COL27A1: variants seen among roughly 807,000 people sequenced by gnomAD.
COL27A1 encodes the protein collagen type XXVII alpha 1 chain, also known as collagen alpha-1(XXVII) chain.
In COL27A1, 106 loss-of-function variants were observed where a neutral mutation model predicts 251.3. The observed-to-expected ratio is 0.42, with a 90% CI of 0.36 to 0.50. COL27A1 has a LOEUF of 0.50. Ranked by LOEUF, COL27A1 falls within the 20% of genes least tolerant of loss-of-function variation. The pLI, the probability that COL27A1 is intolerant of heterozygous loss-of-function variation, is 0.00. For synonymous variants in COL27A1, 1,000 were observed against 986.3 expected (o/e 1.01, Z -0.26); for missense variants, 2,325 against 2,522.8 (o/e 0.92, Z 1.68).
At position 114,155,750 on chromosome 9, in the gene COL27A1, C is replaced by T. The variant is rs1848078339; in HGVS notation, c.-201C>T. 6.2e-6 allele frequency: 1 copy of T among 162,310 alleles called. No homozygotes were observed. Among genetic ancestry groups the T allele is most frequent in the African/African-American group, 2.4e-5 (1 of 41,424 alleles). 10.1% of individuals were successfully genotyped at this position (162,310 alleles called of 1,614,324 possible). A position where few individuals can be genotyped will look rare whatever the true frequency, so the allele number is the denominator to read the frequency against. On this transcript the variant is annotated 5_prime_UTR_variant, in exon 1 of 61. Transcript: ENST00000356083. The surrounding 1 kb of genome is among the most constrained non-coding windows in gnomAD (Gnocchi z 5.5). The stretch of plus-strand genomic sequence containing the variant: ...GAGCGCGGCGCCCGGACTCCTGGGA[C>T]CATGGGCCTGGCGCGGGCGCCCGCG...
chr9:114,178,017 T>C (rs1827604864), intron 3 of COL27A1, among the ~76,000 whole-genome samples: 1 of 152,178 alleles, frequency 6.6e-6, no homozygotes, highest in Admixed American at 6.5e-5. Context: ...AGAAGGGACT[T>C]TGTCCAACTT....
intron 3 of COL27A1, among the ~76,000 whole-genome samples, chr9:114,174,452 C>G (rs1234473862): frequency 6.6e-6 from 1 of 152,176 alleles, no homozygotes; most frequent in Non-Finnish European, 1.5e-5. Flanking sequence ...AATACAGCTG[C>G]AGCCAAATTA....
intron 34 of COL27A1, among the ~76,000 whole-genome samples, chr9:114,267,933 T>A (rs1241864841): frequency 6.6e-6 from 1 of 152,188 alleles, no homozygotes; most frequent in South Asian, 2.1e-4. Flanking sequence ...AAGAGGACGC[T>A]GTTCCCCCTT....
chr9:114,252,937 G>A lies in COL27A1; in HGVS notation c.3141+5G>A. The A allele has an allele frequency of 6.2e-7, 1 of 1,611,352 alleles. No homozygotes were observed. The highest frequency in any genetic ancestry group is 2.2e-5 in the East Asian group (1 of 44,826). Reference sequence around the variant, plus strand: ...CCTGGAGAGCCTGGACCCCAGGTAAGCAAAGCCCTCGTGATCCCTAAGCTC... The same window carrying A: ...CCTGGAGAGCCTGGACCCCAGGTAAACAAAGCCCTCGTGATCCCTAAGCTC... On this transcript the variant is annotated splice_donor_5th_base_variant and intron_variant, in intron 27 of 60. Transcript: ENST00000356083.
At position 114,260,581 on chromosome 9, in the gene COL27A1, G is replaced by A. The variant is rs115556977; in HGVS notation, c.3195+1987G>A. On this transcript the variant is annotated intron_variant, in intron 28 of 60. Coordinates refer to ENST00000356083, the MANE Select transcript of COL27A1 (RefSeq NM_032888.4). ...CCTGGAGGTCTGAAAGGCCTTGCCTGCTTTCCTGCCTATGTGTAGGACGGG... is the reference window on the plus strand; with the variant it reads ...CCTGGAGGTCTGAAAGGCCTTGCCTACTTTCCTGCCTATGTGTAGGACGGG... Among the ~76,000 whole-genome samples the A allele has an allele frequency of 2.6e-3, 394 of 152,320 alleles. 1 individual carries two copies. Among genetic ancestry groups the A allele is most frequent in the African/African-American group, 9.2e-3 (384 of 41,570 alleles).
chr9:114,309,252 C>A lies in COL27A1; in HGVS notation c.5218-8C>A, dbSNP rs745749882. The A allele has an allele frequency of 6.2e-7, 1 of 1,613,930 alleles. No individual in the cohort carries two copies. The highest frequency in any genetic ancestry group is 8.5e-7 in the Non-Finnish European group (1 of 1,179,816). On this transcript the variant is annotated splice_region_variant and splice_polypyrimidine_tract_variant and intron_variant, in intron 59 of 60. Coordinates refer to ENST00000356083, the MANE Select transcript of COL27A1 (RefSeq NM_032888.4). Reference sequence around the variant, plus strand: ...CCTGAGCCGCTCACTGCCGTTGCTTCTCTATAGGTCGAGTTTGCCATCAGC... The same window carrying A: ...CCTGAGCCGCTCACTGCCGTTGCTTATCTATAGGTCGAGTTTGCCATCAGC...
intron 23 of COL27A1, 22 bp downstream of exon 23, chr9:114,243,582 T>C (rs1189777424): frequency 1.2e-6 from 2 of 1,604,638 alleles, no homozygotes; most frequent in African/African-American, 1.3e-5. Context: ...TGGAGATCCC[T>C]GGGGACAAGA....
intron 49 of COL27A1, among the ~76,000 whole-genome samples, chr9:114,298,128 C>A (rs1236816645): frequency 8.4e-6 from 1 of 118,688 alleles, no homozygotes; most frequent in African/African-American, 3.4e-5. Context: ...TCTCAAGACC[C>A]CATCTTAAAA....
At chr9:114,271,674 C>CT (rs1179404628) in intron 36 of COL27A1, 1 of 152,538 alleles carries the variant, frequency 6.6e-6, no homozygotes, top group Non-Finnish European at 1.5e-5. Context: ...TGGCCTCCGT[C>CT]TTGGGCCCCG....
rs750797545 is a variant in COL27A1, at chr9:114,301,675, C to T, written c.4810-7C>T. 1.2e-6 allele frequency: 2 copies of T among 1,606,632 alleles called. No homozygotes were observed. Among genetic ancestry groups the T allele is most frequent in the South Asian group, 1.1e-5 (1 of 90,264 alleles). The stretch of plus-strand genomic sequence containing the variant: ...CAGGGCTCACTCTTCTTCTCTTGTT[C>T]CCCCAGGGTCCTCCCGGCCCCAGAG... On this transcript the variant is annotated splice_polypyrimidine_tract_variant and splice_region_variant and intron_variant, in intron 54 of 60. Transcript: ENST00000356083.
At chr9:114,178,917 GC>G (rs1221845963) in intron 4 of COL27A1, among the ~76,000 whole-genome samples, 1 of 152,146 alleles carries the variant, frequency 6.6e-6, no homozygotes, top group East Asian at 1.9e-4. Flanking sequence ...GACCTCTCAT[GC>G]CCACCCCAAG....
intron 27 of COL27A1, among the ~76,000 whole-genome samples, chr9:114,254,629 A>C (rs6478074): frequency 0.4 from 60,561 of 151,936 alleles, 12,657 homozygotes; most frequent in East Asian, 0.75. Flanking sequence ...TCCAAAGTCC[A>C]GACTGAGGAG....
chr9:114,302,180 C>T, intron 56 of COL27A1, 72 bp downstream of exon 56: 2 of 1,285,694 alleles, frequency 1.6e-6, no homozygotes, highest in Non-Finnish European at 2.3e-6. Context: ...GGCTGCTGGC[C>T]CTCTCTGGCC....
At position 114,288,470 on chromosome 9, in the gene COL27A1, G is replaced by A. The variant is rs765268490; in HGVS notation, c.4003G>A (p.Asp1335Asn). 1 of 1,610,430 alleles carries A rather than the reference G, an allele frequency of 6.2e-7. No homozygotes were observed. Among genetic ancestry groups the A allele is most frequent in the Non-Finnish European group, 8.5e-7 (1 of 1,179,048 alleles). The change falls in exon 42 of 61, where the codon GAC becomes AAC. Residue 1335 changes from aspartate to asparagine, a missense_variant. By Grantham distance (23) the Asp-to-Asn change is conservative. Transcript: ENST00000356083. ...PKGEKGEQGE[D>N]GKAEGPPGPP... ...GTGTCCACAGGGGGAGCAGGGCGAG[G>A]ACGGCAAGGCTGAGGGGCCCCCTGG...
chr9:114,225,967 A>G (rs540658838), intron 14 of COL27A1, among the ~76,000 whole-genome samples: 8 of 152,296 alleles, frequency 5.3e-5, no homozygotes, highest in Admixed American at 5.2e-4. Flanking sequence ...ACCTGGGTCC[A>G]TATGCCTCAA....
At position 114,203,889 on chromosome 9, in the gene COL27A1, A is replaced by G. The variant is rs76854186; in HGVS notation, c.2125-1213A>G. On this transcript the variant is annotated intron_variant, in intron 7 of 60. Coordinates refer to ENST00000356083, the MANE Select transcript of COL27A1 (RefSeq NM_032888.4). ...GTGGCTTGTTAGCAATGGGACTCAG[A>G]GTAGGCGTCTTCAGTTCTATGAGAC... Among the ~76,000 whole-genome samples, 632 of 152,238 alleles carry G rather than the reference A, an allele frequency of 4.2e-3. 8 individuals carry two copies. The highest frequency in any genetic ancestry group is 0.041 in the East Asian group (210 of 5,180).
At chr9:114,303,084 C>T (rs1001040874) in intron 56 of COL27A1, among the ~76,000 whole-genome samples, 1 of 152,152 alleles carries the variant, frequency 6.6e-6, no homozygotes, top group Non-Finnish European at 1.5e-5. Context: ...TCCTTCTCAT[C>T]AGTAAGAAAG....
intron 27 of COL27A1, among the ~76,000 whole-genome samples, chr9:114,253,514 C>G (rs1833711659): frequency 6.8e-6 from 1 of 146,824 alleles, no homozygotes; most frequent in Non-Finnish European, 1.5e-5. Flanking sequence ...GAAGGAAGAA[C>G]AGAAGAACAG....
At chr9:114,254,655 T>G (rs1030178965) in intron 27 of COL27A1, among the ~76,000 whole-genome samples, 2 of 152,102 alleles carry the variant, frequency 1.3e-5, no homozygotes, top group African/African-American at 2.4e-5. Flanking sequence ...TGGGGTCTGA[T>G]GAGGAAGGGC....
Sources: allele counts gnomAD v4.1 joint callset (sites outside exome capture counted in the v4.1 genomes callset), GRCh38; gene constraint gnomAD v4.1.1; non-coding constraint Gnocchi (gnomAD v3.1); transcripts MANE v1.5; gene names NCBI Gene and HGNC (gene_info 2026-07-23, HGNC 2026-07-21).